Variants in RARB observed in about 807,000 individuals in gnomAD.
RARB encodes HBV-activated protein.
Under a neutral mutation model 51.9 loss-of-function variants are expected in RARB, and 17 were observed. That is an observed-to-expected ratio of 0.33 (90% CI 0.22 to 0.49). The LOEUF (loss-of-function observed/expected upper bound fraction) is 0.49, where lower values mean the gene tolerates loss of function less well. Ranked by LOEUF, RARB falls within the 20% of genes least tolerant of loss-of-function variation. The probability of loss-of-function intolerance (pLI) is 0.99; values close to 1 mark genes in which losing one functional copy is unlikely to be tolerated. For missense variants in RARB, 369 were observed against 550.8 expected (o/e 0.67, Z 3.30); for synonymous variants, 215 against 195.4 (o/e 1.10, Z -0.84).
At chr3:25,201,608 A>G (rs1333725324) in intron 5 of RARB, among the ~76,000 whole-genome samples, 2 of 152,194 alleles carry the variant, frequency 1.3e-5, no homozygotes, top group African/African-American at 4.8e-5. Flanking sequence ...AGGTCCCATC[A>G]ATACCTAATT....
rs564643643 is a variant in RARB at position 25,581,330 on chromosome 3, G to A, written c.786+608G>A. Among the ~76,000 whole-genome samples, 10 of 152,250 alleles carry A rather than the reference G, an allele frequency of 6.6e-5. No homozygotes were observed. The South Asian group carries it at 2.1e-3, about 32-fold the overall frequency. ...TTTCCCTATGTTCTGATGCATCCCT[G>A]GAGGCCAGTCCCCCATCCCACTTTC... On this transcript the variant is annotated intron_variant, in intron 5 of 7. Transcript: ENST00000330688.
intron 5 of RARB, among the ~76,000 whole-genome samples, chr3:25,284,759 C>T (rs1407150407): frequency 2.0e-5 from 3 of 152,170 alleles, no homozygotes; most frequent in Admixed American, 6.5e-5. Context: ...TGCGCAAGTC[C>T]GCTTATATAT....
intron 2 of RARB, among the ~76,000 whole-genome samples, chr3:25,477,482 T>C (rs1696010076): frequency 6.6e-6 from 1 of 152,266 alleles, no homozygotes; most frequent in Admixed American, 6.5e-5. Context: ...GGTCTTTCCC[T>C]GTTTGTCATA....
intron 5 of RARB, among the ~76,000 whole-genome samples, chr3:25,319,839 A>T (rs765636761): frequency 4.6e-5 from 7 of 152,162 alleles, no homozygotes; most frequent in Non-Finnish European, 1.0e-4. Flanking sequence ...GATTCAGGAT[A>T]TACTCTCAGT....
intron 4 of RARB, among the ~76,000 whole-genome samples, chr3:25,135,930 C>A (rs1176604082): frequency 1.9e-5 from 2 of 104,138 alleles, no homozygotes; most frequent in African/African-American, 7.3e-5. Flanking sequence ...TGTAAAATTC[C>A]TTTCATTAAA....
In RARB at chr3:25,428,916, C is replaced by T. The variant is rs116259656; in HGVS notation, c.157+28C>T. ...AGGTTTATTTTTTTCCCTTCTTCTA[C>T]CAAGAAAAAAAAAATTGTCTCTCTT... is the stretch of plus-strand genomic sequence containing the variant. On this transcript the variant is annotated intron_variant, in intron 1 of 7. Coordinates refer to ENST00000330688, the MANE Select transcript of RARB (RefSeq NM_000965.5). 1,619 of 1,556,242 alleles carry T rather than the reference C, an allele frequency of 1.0e-3. 9 individuals carry two copies. The African/African-American group carries it at 0.016, about 16-fold the overall frequency.
At chr3:25,408,496 T>C (rs1429406246) in intron 5 of RARB, among the ~76,000 whole-genome samples, 1 of 151,966 alleles carries the variant, frequency 6.6e-6, no homozygotes, top group African/African-American at 2.4e-5. Flanking sequence ...TATAATCCAA[T>C]TACCTCCTAC....
chr3:25,552,845 G>A (rs1699903014), intron 3 of RARB, among the ~76,000 whole-genome samples: 1 of 152,132 alleles, frequency 6.6e-6, no homozygotes, highest in Non-Finnish European at 1.5e-5. Context: ...GACCATTGAA[G>A]CAGAGTGTTG....
At chr3:25,270,120 A>T (rs1375618243) in intron 5 of RARB, among the ~76,000 whole-genome samples, 1 of 152,206 alleles carries the variant, frequency 6.6e-6, no homozygotes, top group Admixed American at 6.5e-5. Context: ...TATTAAAAAT[A>T]GAATCACATA....
At chr3:24,855,882 G>A (rs1256970012) in intron 1 of RARB, among the ~76,000 whole-genome samples, 1 of 151,466 alleles carries the variant, frequency 6.6e-6, no homozygotes. Context: ...CTCCCGAGTA[G>A]CTGGGACTAC....
chr3:25,482,515 A>C (rs932423990), intron 2 of RARB, among the ~76,000 whole-genome samples: 10 of 133,106 alleles, frequency 7.5e-5, no homozygotes, highest in African/African-American at 3.1e-4. Context: ...ATTTTCTAGC[A>C]GCCAAATTTT....
chr3:24,860,175 A>G (rs1702722323), intron 2 of RARB, among the ~76,000 whole-genome samples: 1 of 152,206 alleles, frequency 6.6e-6, no homozygotes, highest in South Asian at 2.1e-4. Flanking sequence ...GGGGGTAGGC[A>G]TCATATCTTT....
intron 2 of RARB, among the ~76,000 whole-genome samples, chr3:25,464,111 A>G (rs149418542): frequency 4.5e-4 from 69 of 152,364 alleles, no homozygotes; most frequent in African/African-American, 1.6e-3. Context: ...AAAGTAAATG[A>G]AAAGATACTT....
At chr3:25,441,287 G>A (rs1252715491) in intron 1 of RARB, 2 of 401,820 alleles carry the variant, frequency 5.0e-6, no homozygotes, top group Non-Finnish European at 9.6e-6. Context: ...CGCTCTGGAA[G>A]CTCAGATCTG....
intron 2 of RARB, among the ~76,000 whole-genome samples, chr3:25,470,223 G>A (rs1191369913): frequency 6.6e-6 from 1 of 152,140 alleles, no homozygotes; most frequent in African/African-American, 2.4e-5. Context: ...CTGGTAGGAA[G>A]GGAGGAAAAC....
At chr3:25,419,328 A>G (rs994541049) in intron 5 of RARB, among the ~76,000 whole-genome samples, 5 of 152,174 alleles carry the variant, frequency 3.3e-5, no homozygotes, top group Non-Finnish European at 5.9e-5. Context: ...CCAAAGTGCC[A>G]TATTTTGGGG....
intron 2 of RARB, among the ~76,000 whole-genome samples, chr3:24,936,819 T>A (rs1322715002): frequency 6.6e-6 from 1 of 152,196 alleles, no homozygotes; most frequent in Non-Finnish European, 1.5e-5. Flanking sequence ...CCTTTCCTTT[T>A]CCATGATTTA....
chr3:25,562,990 T>C (rs1034467627), intron 3 of RARB, among the ~76,000 whole-genome samples: 3 of 152,370 alleles, frequency 2.0e-5, no homozygotes, highest in African/African-American at 7.2e-5. Flanking sequence ...CTATAACTTC[T>C]TTGAATAATT....
At chr3:25,158,985 A>G (rs558145552) in intron 4 of RARB, among the ~76,000 whole-genome samples, 1 of 152,052 alleles carries the variant, frequency 6.6e-6, no homozygotes, top group Admixed American at 6.6e-5. Flanking sequence ...CACGTTCTAC[A>G]GGCCAGAGCT....
Sources: allele counts gnomAD v4.1 joint callset (sites outside exome capture counted in the v4.1 genomes callset), GRCh38; gene constraint gnomAD v4.1.1; transcripts MANE v1.5; gene names NCBI Gene and HGNC (gene_info 2026-07-23, HGNC 2026-07-21).